The following PRPF40B variants were observed in gnomAD, a reference collection of about 807,000 sequenced individuals.
The protein encoded by PRPF40B is pre-mRNA-processing factor 40 homolog B.
Under a neutral mutation model 124.5 loss-of-function variants are expected in PRPF40B, and 56 were observed. That is an observed-to-expected ratio of 0.45 (90% CI 0.36 to 0.56). PRPF40B has a LOEUF of 0.56. Ranked by LOEUF, PRPF40B falls within the 20% of genes least tolerant of loss-of-function variation. The pLI is 0.00. For missense variants in PRPF40B, 1,053 were observed against 1,169.5 expected (o/e 0.90, Z 1.45); for synonymous variants, 443 against 426.4 (o/e 1.04, Z -0.48).
Position 49,631,992 on chromosome 12 carries a change from A to G in PRPF40B, c.294+67A>G, listed in dbSNP as rs1194771380. ...GTCCCGTGAGTCTGACTTGGAATGC[A>G]GGACTATGACCTCCATTCTTTCCCT... On this transcript the variant is annotated intron_variant, in intron 4 of 25. Coordinates refer to ENST00000548825, the MANE Select transcript of PRPF40B (RefSeq NM_001031698.3). This position sits in a 1 kb window ranked among gnomAD's most constrained non-coding sequence, Gnocchi z 4.3. 7.5e-6 allele frequency: 11 copies of G among 1,465,362 alleles called. No homozygotes were observed. The highest frequency in any genetic ancestry group is 8.6e-6 in the Non-Finnish European group (9 of 1,046,488). 90.8% of individuals were successfully genotyped at this position (1,465,362 alleles called of 1,614,324 possible). A position where few individuals can be genotyped will look rare whatever the true frequency, so the allele number is the denominator to read the frequency against.
chr12:49,637,045 A>T (rs1421803020), intron 16 of PRPF40B, 196 bp downstream of exon 16: 1 of 807,116 alleles, frequency 1.2e-6, no homozygotes, highest in Admixed American at 2.8e-5. Context: ...TCTTCTAGGG[A>T]GACTAGATGT....
At chr12:49,634,137 C>T in intron 10 of PRPF40B, 45 bp downstream of exon 10, 1 of 1,596,466 alleles carries the variant, frequency 6.3e-7, no homozygotes, top group Non-Finnish European at 8.5e-7. Context: ...GCCTCAGACT[C>T]CCAGCCTGGT....
Position 49,642,402 on chromosome 12 carries a change from C to T in PRPF40B, c.2022+30C>T. The T allele has an allele frequency of 6.2e-7, 1 of 1,610,538 alleles. No homozygotes were observed. The highest frequency in any genetic ancestry group is 8.5e-7 in the Non-Finnish European group (1 of 1,177,836). ...GGAGCGTAGCCTGGCCCCAAGCACCCCTCAAGCCTGAGGGCAGCGGTGCTT... is the reference window on the plus strand; with the variant it reads ...GGAGCGTAGCCTGGCCCCAAGCACCTCTCAAGCCTGAGGGCAGCGGTGCTT... On this transcript the variant is annotated intron_variant, in intron 20 of 25. Transcript: ENST00000548825. This position sits in a 1 kb window ranked among gnomAD's most constrained non-coding sequence, Gnocchi z 5.8.
Position 49,635,091 on chromosome 12 carries a change from T to C in PRPF40B, c.1002-8T>C. 1 of 1,610,046 alleles carries C rather than the reference T, an allele frequency of 6.2e-7. No individual in the cohort carries two copies. The highest frequency in any genetic ancestry group is 2.0e-4 in the Middle Eastern group (1 of 5,012). ...CTATCCCCACCCCACTCCTACCCTC[T>C]ATCCCAGTGCCTTGCCTAAACTGAG... On this transcript the variant is annotated splice_polypyrimidine_tract_variant and splice_region_variant and intron_variant, in intron 12 of 25. Coordinates refer to ENST00000548825, the MANE Select transcript of PRPF40B (RefSeq NM_001031698.3). This position sits in a 1 kb window ranked among gnomAD's most constrained non-coding sequence, Gnocchi z 4.1.
Position 49,631,305 on chromosome 12 carries a change from G to A in PRPF40B, c.85-96G>A. 3.4e-6 allele frequency: 3 copies of A among 892,586 alleles called. No homozygotes were observed. The highest frequency in any genetic ancestry group is 1.7e-6 in the Non-Finnish European group (1 of 598,254). 55.3% of individuals were successfully genotyped at this position (892,586 alleles called of 1,614,324 possible). A position where few individuals can be genotyped will look rare whatever the true frequency, so the allele number is the denominator to read the frequency against. ...TGCCTCAGAGCAGGGTGGAGGGTTGGGGAGGGAGGTGGTGGATATTTCCTG... is the reference window on the plus strand; with the variant it reads ...TGCCTCAGAGCAGGGTGGAGGGTTGAGGAGGGAGGTGGTGGATATTTCCTG... On this transcript the variant is annotated intron_variant, in intron 2 of 25. Coordinates refer to ENST00000548825, the MANE Select transcript of PRPF40B (RefSeq NM_001031698.3). The surrounding 1 kb of genome is among the most constrained non-coding windows in gnomAD (Gnocchi z 4.3).
intron 1 of PRPF40B, among the ~76,000 whole-genome samples, chr12:49,626,020 C>T (rs1940677677): frequency 6.6e-6 from 1 of 152,124 alleles, no homozygotes; most frequent in East Asian, 1.9e-4. Context: ...GGTCTTCATC[C>T]CAAGTTGAAG....
chr12:49,632,693 A>C (rs1393099806), intron 5 of PRPF40B, 70 bp downstream of exon 5: 5 of 1,598,292 alleles, frequency 3.1e-6, no homozygotes, highest in African/African-American at 1.3e-5. Context: ...GGGACCGTGG[A>C]CTGGAGCCCA....
chr12:49,623,492 C>T (rs1004212090), upstream of PRPF40B: 8 of 1,204,720 alleles, frequency 6.6e-6, no homozygotes, highest in East Asian at 3.2e-5. Context: ...AGGGGTGCGA[C>T]CCCCCGCCGG....
chr12:49,626,465 T>G (rs1940726929), intron 1 of PRPF40B, among the ~76,000 whole-genome samples: 1 of 151,628 alleles, frequency 6.6e-6, no homozygotes, highest in Non-Finnish European at 1.5e-5. Flanking sequence ...CAGGTAGGAG[T>G]GTGTGTATGT....
chr12:49,632,666 G>C, intron 5 of PRPF40B, 43 bp downstream of exon 5: 2 of 1,609,924 alleles, frequency 1.2e-6, no homozygotes, highest in Non-Finnish European at 1.7e-6. Context: ...TCGGAGGTTG[G>C]GGGGCATAGG....
Position 49,644,620 on chromosome 12 carries a change from C to T in PRPF40B, c.*428C>T, listed in dbSNP as rs886563827. On this transcript the variant is annotated 3_prime_UTR_variant, in exon 26 of 26. Transcript: ENST00000548825. ...CTTCCTCCACCCAGGACCTAATGTACGTGTGTTTTGTTTTTTGTTTTTTAA... is the reference window on the plus strand; with the variant it reads ...CTTCCTCCACCCAGGACCTAATGTATGTGTGTTTTGTTTTTTGTTTTTTAA... 6.8e-5 allele frequency: 13 copies of T among 192,282 alleles called. No individual in the cohort carries two copies. The highest frequency in any genetic ancestry group is 2.6e-4 in the African/African-American group (11 of 42,836). 11.9% of individuals were successfully genotyped at this position (192,282 alleles called of 1,614,324 possible). A position where few individuals can be genotyped will look rare whatever the true frequency, so the allele number is the denominator to read the frequency against.
At chr12:49,643,806 C>G (rs554507750) in intron 24 of PRPF40B, 54 bp downstream of exon 24, 2 of 1,613,718 alleles carry the variant, frequency 1.2e-6, no homozygotes, top group Non-Finnish European at 1.7e-6. Context: ...TTCTGTTCTA[C>G]CTGCCTCCCA....
chr12:49,637,712 CCCCT>C lies in PRPF40B; in HGVS notation c.1676-10_1676-7del, dbSNP rs766741537. ...TTGGGAAGCTGCCGCCCGCCAGGCC[CCCCT>C]CCCTCCCTCCTTACAGGCTCCACCC... On this transcript the variant is annotated splice_polypyrimidine_tract_variant and intron_variant, in intron 17 of 25. Coordinates refer to ENST00000548825, the MANE Select transcript of PRPF40B (RefSeq NM_001031698.3). 121 of 1,536,798 alleles carry C rather than the reference CCCCT, an allele frequency of 7.9e-5. No individual in the cohort carries two copies. Among genetic ancestry groups the C allele is most frequent in the Non-Finnish European group, 9.9e-5 (110 of 1,116,700 alleles).
At chr12:49,624,382 C>CG (rs1038364512) in intron 1 of PRPF40B, among the ~76,000 whole-genome samples, 7 of 151,734 alleles carry the variant, frequency 4.6e-5, no homozygotes, top group Non-Finnish European at 7.4e-5. Context: ...CCCACGGGTG[C>CG]GGGGGGATGG....
chr12:49,639,226 T>G (rs1403204330), intron 18 of PRPF40B: 18 of 152,062 alleles, frequency 1.2e-4, no homozygotes, highest in Admixed American at 1.2e-3. Flanking sequence ...TTAGGGAAGG[T>G]GGTGGTGCTA....
Position 49,642,113 on chromosome 12 carries a change from C to A in PRPF40B, c.1884+89C>A. 1 of 1,602,632 alleles carries A rather than the reference C, an allele frequency of 6.2e-7. No homozygotes were observed. The highest frequency in any genetic ancestry group is 1.1e-5 in the South Asian group (1 of 90,374). ...CACTCACTGTCCCACTGACTATATT[C>A]CCAATTCAGGGGATGGTGGTAGAAG... On this transcript the variant is annotated intron_variant, in intron 19 of 25. Coordinates refer to ENST00000548825, the MANE Select transcript of PRPF40B (RefSeq NM_001031698.3). This position sits in a 1 kb window ranked among gnomAD's most constrained non-coding sequence, Gnocchi z 5.8.
At chr12:49,639,049 C>G (rs1005063603) in intron 18 of PRPF40B, 2 of 152,224 alleles carry the variant, frequency 1.3e-5, no homozygotes, top group Non-Finnish European at 2.9e-5. Flanking sequence ...CTCTCTTTCT[C>G]TGGAACCACA....
chr12:49,643,411 G>A lies in PRPF40B; in HGVS notation c.2380+14G>A, dbSNP rs1002534180. 5 of 1,541,256 alleles carry A rather than the reference G, an allele frequency of 3.2e-6. No individual in the cohort carries two copies. Among genetic ancestry groups the A allele is most frequent in the Non-Finnish European group, 4.4e-6 (5 of 1,146,670 alleles). ...TTCTTGGAGCAGGTAAGCAGTTGCT[G>A]TGAGCGTAGAAGCTGGAGAACTGTT... On this transcript the variant is annotated intron_variant, in intron 23 of 25. Coordinates refer to ENST00000548825, the MANE Select transcript of PRPF40B (RefSeq NM_001031698.3).
upstream of PRPF40B, chr12:49,623,441 G>A (rs1233169730): frequency 2.6e-5 from 21 of 821,706 alleles, no homozygotes; most frequent in South Asian, 5.8e-5. Context: ...GCCGGTTGGG[G>A]CCCCGCTCGC....
Sources: allele counts gnomAD v4.1 joint callset (sites outside exome capture counted in the v4.1 genomes callset), GRCh38; gene constraint gnomAD v4.1.1; non-coding constraint Gnocchi (gnomAD v3.1); transcripts MANE v1.5; gene names NCBI Gene and HGNC (gene_info 2026-07-23, HGNC 2026-07-21).